Variants in LRBA observed in about 807,000 individuals in gnomAD.
LRBA encodes lipopolysaccharide-responsive and beige-like anchor protein.
A neutral mutation model predicts 330.0 loss-of-function variants in LRBA; 176 were observed. That is an observed-to-expected ratio of 0.53 (90% confidence interval 0.47 to 0.60). LRBA has a LOEUF of 0.60. LRBA is among the 20% of genes least tolerant of loss of function. The pLI is 0.00. For missense variants in LRBA, 3,259 were observed against 3,444.8 expected (o/e 0.95, Z 1.35); for synonymous variants, 1,230 against 1,193.0 (o/e 1.03, Z -0.64).
Position 150,321,039 on chromosome 4 carries a change from G to A in LRBA, c.7630+152C>T, listed in dbSNP as rs140022884. 4 of 656,874 alleles carry A rather than the reference G, an allele frequency of 6.1e-6. No individual in the cohort carries two copies. In the African/African-American group the frequency reaches 7.6e-5, roughly 13 times the overall value. The allele number at this position is 656,874 out of a possible 1,614,324, so 40.7% of individuals were successfully genotyped here. On this transcript the variant is annotated intron_variant, in intron 50 of 56. Coordinates refer to ENST00000651943, the MANE Select transcript of LRBA (RefSeq NM_001364905.1). The surrounding 1 kb of genome is among the most constrained non-coding windows in gnomAD (Gnocchi z 4.5). ...ACATTTGTACTATATGCCTCACGTG[G>A]GCCTTTTTTAAGCCTTTCAAACTAT...
chr4:150,339,464 A>G lies in LRBA; in HGVS notation c.7362+10528T>C, dbSNP rs571048602. Among the ~76,000 whole-genome samples, 3 of 152,238 alleles carry G rather than the reference A, an allele frequency of 2.0e-5. No homozygotes were observed. In the South Asian group the frequency reaches 6.2e-4, roughly 32 times the overall value. On this transcript the variant is annotated intron_variant, in intron 48 of 56. Coordinates refer to ENST00000651943, the MANE Select transcript of LRBA (RefSeq NM_001364905.1). Reference sequence around the variant, plus strand: ...ATGTTAACATACATTGCTTGTTCAAATTTTCAAGAAGCAGATTCTTTCCCC... The same window carrying G: ...ATGTTAACATACATTGCTTGTTCAAGTTTTCAAGAAGCAGATTCTTTCCCC...
intron 40 of LRBA, among the ~76,000 whole-genome samples, chr4:150,526,750 C>G (rs1763518009): frequency 6.6e-6 from 1 of 152,082 alleles, no homozygotes; most frequent in Admixed American, 6.5e-5. Context: ...AACATTTCAT[C>G]CATAATTTCT....
chr4:150,681,804 G>A (rs1047226333), intron 37 of LRBA, among the ~76,000 whole-genome samples: 1 of 152,064 alleles, frequency 6.6e-6, no homozygotes, highest in Non-Finnish European at 1.5e-5. Flanking sequence ...ATTTATTTCA[G>A]TTGTTTCTGG....
intron 40 of LRBA, among the ~76,000 whole-genome samples, chr4:150,529,272 C>A (rs1035032951): frequency 2.6e-5 from 4 of 152,144 alleles, no homozygotes; most frequent in Non-Finnish European, 5.9e-5. Flanking sequence ...TTTACCTTTA[C>A]GGTGAGTATG....
At chr4:150,765,105 C>A (rs200984129) in intron 34 of LRBA, among the ~76,000 whole-genome samples, 1 of 150,214 alleles carries the variant, frequency 6.7e-6, no homozygotes, top group Non-Finnish European at 1.5e-5. Flanking sequence ...AAAGAGCTAT[C>A]AAGCCATGAA....
chr4:150,868,404 A>G (rs1753008731), intron 20 of LRBA, 99 bp from the exon 21 acceptor site: 1 of 728,420 alleles, frequency 1.4e-6, no homozygotes, highest in South Asian at 4.1e-5. Context: ...TCCCTAACAC[A>G]AATGTCTACC....
chr4:150,494,152 G>A (rs1049518306), intron 40 of LRBA, among the ~76,000 whole-genome samples: 1 of 152,122 alleles, frequency 6.6e-6, no homozygotes, highest in African/African-American at 2.4e-5. Flanking sequence ...TCCTTGGCAA[G>A]TTAGTGGCAG....
intron 37 of LRBA, among the ~76,000 whole-genome samples, chr4:150,652,502 A>C (rs1361469926): frequency 6.6e-6 from 1 of 152,108 alleles, no homozygotes; most frequent in Non-Finnish European, 1.5e-5. Flanking sequence ...TGGTTATTAG[A>C]TTTAAAACAG....
At chr4:150,376,509 T>C (rs1581150341) in intron 47 of LRBA, among the ~76,000 whole-genome samples, 1 of 152,220 alleles carries the variant, frequency 6.6e-6, no homozygotes, top group Non-Finnish European at 1.5e-5. Flanking sequence ...TAGCAACTTA[T>C]ATAATCAAAG....
At chr4:150,580,970 C>T (rs1438447046) in intron 40 of LRBA, 2 of 154,294 alleles carry the variant, frequency 1.3e-5, no homozygotes, top group East Asian at 3.8e-4. Context: ...ACCTGTACCC[C>T]CTAAGAATAC....
At chr4:150,972,278 A>G (rs1739665148) in intron 2 of LRBA, among the ~76,000 whole-genome samples, 1 of 152,196 alleles carries the variant, frequency 6.6e-6, no homozygotes, top group African/African-American at 2.4e-5. Context: ...CAGTATTTAA[A>G]TAGCTTCAAC....
intron 37 of LRBA, among the ~76,000 whole-genome samples, chr4:150,614,697 T>C (rs1334767963): frequency 8.5e-5 from 13 of 152,126 alleles, no homozygotes; most frequent in Non-Finnish European, 1.5e-5. Flanking sequence ...AAGCTAAGTG[T>C]AGAGATGAAA....
intron 2 of LRBA, among the ~76,000 whole-genome samples, chr4:150,966,084 G>C (rs1488199617): frequency 6.6e-6 from 1 of 152,086 alleles, no homozygotes; most frequent in African/African-American, 2.4e-5. Flanking sequence ...ATAGTGTTTT[G>C]TACATGATCC....
At chr4:150,416,791 G>A (rs1288124258) in intron 46 of LRBA, among the ~76,000 whole-genome samples, 6 of 151,972 alleles carry the variant, frequency 3.9e-5, no homozygotes, top group Admixed American at 3.9e-4. Context: ...GAAGCAAAAA[G>A]CCATATCCAA....
At chr4:150,972,451 A>G (rs1739685227) in intron 2 of LRBA, among the ~76,000 whole-genome samples, 1 of 152,190 alleles carries the variant, frequency 6.6e-6, no homozygotes, top group Admixed American at 6.5e-5. Flanking sequence ...TGAAAGTAAC[A>G]TAAATCAACT....
chr4:150,461,857 T>C (rs906805992), intron 44 of LRBA, among the ~76,000 whole-genome samples: 3 of 151,742 alleles, frequency 2.0e-5, no homozygotes, highest in African/African-American at 7.2e-5. Flanking sequence ...AGAAGAAACA[T>C]GATTGCCTCA....
At chr4:150,826,706 C>T (rs1746336490) in intron 30 of LRBA, among the ~76,000 whole-genome samples, 2 of 151,912 alleles carry the variant, frequency 1.3e-5, no homozygotes, top group African/African-American at 4.8e-5. Context: ...TTGAAGTGGT[C>T]TAACTGCCCT....
chr4:150,743,512 TATAAA>T (rs1732291692), intron 35 of LRBA, among the ~76,000 whole-genome samples: 1 of 152,186 alleles, frequency 6.6e-6, no homozygotes, highest in African/African-American at 2.4e-5. Flanking sequence ...TTGGGGAACA[TATAAA>T]AGAAAATACA....
At chr4:150,427,090 C>T (rs6834928) in intron 46 of LRBA, among the ~76,000 whole-genome samples, 130,971 of 151,874 alleles carry the variant, frequency 0.86, 57,524 homozygotes, top group Non-Finnish European at 0.96. Flanking sequence ...AAGTGGTAGA[C>T]ATATATTTAG....
Sources: gnomAD v4.1 joint callset for allele counts (sites outside exome capture counted in the v4.1 genomes callset) on GRCh38, gnomAD v4.1.1 for gene constraint, Gnocchi (gnomAD v3.1) non-coding constraint, MANE v1.5 for transcripts, NCBI Gene and HGNC (gene_info 2026-07-23, HGNC 2026-07-21) for gene names.